The following YAF2 variants were observed in gnomAD, a reference collection of about 807,000 sequenced individuals.
YAF2 encodes YY1-associated factor 2.
In YAF2, 7 loss-of-function variants were observed where a neutral mutation model predicts 20.1. The observed-to-expected ratio is 0.35, with a 90% CI of 0.20 to 0.65. YAF2 has a LOEUF of 0.65. Ranked by LOEUF, YAF2 falls within the 30% of genes least tolerant of loss-of-function variation. YAF2 has a pLI of 0.69. For missense variants in YAF2, 151 were observed against 219.2 expected, an observed-to-expected ratio of 0.69 and a Z score of 1.96; for synonymous variants, 74 against 76.0, an observed-to-expected ratio of 0.97 and a Z score of 0.14.
At chr12:42,228,196 T>G (rs1353957625) in intron 2 of YAF2, among the ~76,000 whole-genome samples, 12 of 50,684 alleles carry the variant, frequency 2.4e-4, no homozygotes, top group Non-Finnish European at 4.1e-4. Flanking sequence ...GGGAGGGAGG[T>G]GGGGGGGTCG....
At chr12:42,177,605 G>C (rs145694091) in intron 2 of YAF2, among the ~76,000 whole-genome samples, 146 of 152,164 alleles carry the variant, frequency 9.6e-4, no homozygotes, top group African/African-American at 3.1e-3. Flanking sequence ...AGTCACATAG[G>C]GGGTGAGGGC....
chr12:42,211,346 G>A (rs1310395603), intron 2 of YAF2, among the ~76,000 whole-genome samples: 1 of 144,594 alleles, frequency 6.9e-6, no homozygotes, highest in East Asian at 2.1e-4. Context: ...AGAACTGCTT[G>A]AACCTGGGAA....
Position 42,238,024 on chromosome 12 carries a change from A to G in YAF2, c.26+131T>C, listed in dbSNP as rs1415092491. 2.6e-5 allele frequency: 17 copies of G among 663,724 alleles called. 1 individual carries two copies. Among genetic ancestry groups the G allele is most frequent in the African/African-American group, 1.8e-4 (9 of 50,490 alleles). The allele number at this position is 663,724 out of a possible 1,614,324, so 41.1% of individuals were successfully genotyped here. A position where few individuals can be genotyped will look rare whatever the true frequency, so the allele number is the denominator to read the frequency against. ...GGCGCCGGCCCCCTCAAGCGGCAGC[A>G]CTCGCACACCAGCGGCGCTGCCCCC... On this transcript the variant is annotated intron_variant, in intron 1 of 3. Transcript: ENST00000534854.
intron 2 of YAF2, among the ~76,000 whole-genome samples, chr12:42,174,345 T>C (rs1451468658): frequency 1.3e-5 from 2 of 152,172 alleles, no homozygotes; most frequent in Non-Finnish European, 2.9e-5. Flanking sequence ...CCAGCAACAC[T>C]TCACTGAGTT....
In YAF2 at chr12:42,160,480, T is replaced by G; in HGVS notation, c.*109A>C. 1 of 824,064 alleles carries G rather than the reference T, an allele frequency of 1.2e-6. No individual in the cohort carries two copies. The highest frequency in any genetic ancestry group is 1.9e-6 in the Non-Finnish European group (1 of 521,698). 51.0% of individuals were successfully genotyped at this position (824,064 alleles called of 1,614,324 possible). On this transcript the variant is annotated 3_prime_UTR_variant, in exon 4 of 4. Coordinates refer to ENST00000534854, the MANE Select transcript of YAF2 (RefSeq NM_005748.6). ...TTTCTATTTTATGTAAAACTCAAAT[T>G]ATGGATTGTGCATGAATGTATCTGT...
chr12:42,171,392 G>A (rs887193676), intron 2 of YAF2, among the ~76,000 whole-genome samples: 2 of 151,702 alleles, frequency 1.3e-5, no homozygotes, highest in Admixed American at 6.6e-5. Context: ...GGAGGCTGAG[G>A]CAGGAGGATC....
intron 2 of YAF2, among the ~76,000 whole-genome samples, chr12:42,222,893 T>G (rs376831455): frequency 6.6e-6 from 1 of 152,164 alleles, no homozygotes; most frequent in South Asian, 2.1e-4. Flanking sequence ...TGGCCATTAC[T>G]GTTAAGGAAT....
chr12:42,162,349 T>C (rs1184292443), intron 2 of YAF2, among the ~76,000 whole-genome samples: 1 of 152,236 alleles, frequency 6.6e-6, no homozygotes, highest in African/African-American at 2.4e-5. Flanking sequence ...ATCTACTTGC[T>C]AACTTACTCA....
chr12:42,208,583 A>G (rs565625887), intron 2 of YAF2, among the ~76,000 whole-genome samples: 79 of 152,332 alleles, frequency 5.2e-4, no homozygotes, highest in African/African-American at 1.9e-3. Flanking sequence ...CTAGCCAATA[A>G]GGGTATTAAC....
intron 3 of YAF2, chr12:42,161,383 C>T: frequency 2.7e-6 from 1 of 376,298 alleles, no homozygotes; most frequent in East Asian, 5.6e-5. Context: ...ACACAAATGT[C>T]TTCCAATCTC....
intron 2 of YAF2, among the ~76,000 whole-genome samples, chr12:42,221,013 G>T (rs2067495901): frequency 6.6e-6 from 1 of 152,132 alleles, no homozygotes; most frequent in Admixed American, 6.5e-5. Flanking sequence ...ACATAAAAAT[G>T]AAGTTTGTTA....
intron 2 of YAF2, among the ~76,000 whole-genome samples, chr12:42,167,286 T>C (rs1469570735): frequency 6.6e-6 from 1 of 152,062 alleles, no homozygotes; most frequent in Non-Finnish European, 1.5e-5. Flanking sequence ...TGCACATGTA[T>C]CCCAGAACTT....
chr12:42,193,081 AG>A (rs562874987), intron 2 of YAF2, among the ~76,000 whole-genome samples: 2 of 151,996 alleles, frequency 1.3e-5, no homozygotes, highest in Non-Finnish European at 2.9e-5. Context: ...TGGGTGGCCG[AG>A]GGGGGGCAGA....
At chr12:42,177,733 A>G (rs913505956) in intron 2 of YAF2, among the ~76,000 whole-genome samples, 1 of 152,078 alleles carries the variant, frequency 6.6e-6, no homozygotes, top group Non-Finnish European at 1.5e-5. Flanking sequence ...TCACTCCCTC[A>G]CTTCTTCCAG....
At chr12:42,220,282 CT>C (rs2067475878) in intron 2 of YAF2, among the ~76,000 whole-genome samples, 1 of 152,086 alleles carries the variant, frequency 6.6e-6, no homozygotes, top group African/African-American at 2.4e-5. Flanking sequence ...TTCCTTAAAT[CT>C]TTAATGTATA....
At chr12:42,208,544 A>T (rs1467659178) in intron 2 of YAF2, among the ~76,000 whole-genome samples, 2 of 152,184 alleles carry the variant, frequency 1.3e-5, no homozygotes, top group Non-Finnish European at 2.9e-5. Flanking sequence ...TAACCACAAA[A>T]ATGGTTAAGA....
At chr12:42,217,265 T>A (rs1178960883) in intron 2 of YAF2, among the ~76,000 whole-genome samples, 1 of 152,214 alleles carries the variant, frequency 6.6e-6, no homozygotes, top group Non-Finnish European at 1.5e-5. Context: ...TAATTTTTTT[T>A]ATAAGAAAAT....
intron 2 of YAF2, among the ~76,000 whole-genome samples, chr12:42,176,018 G>C (rs141209311): frequency 6.6e-6 from 1 of 151,962 alleles, no homozygotes; most frequent in Non-Finnish European, 1.5e-5. Context: ...AGGCCAAGGC[G>C]GGTGGATCAC....
At chr12:42,223,076 AAAC>A (rs1480644530) in intron 2 of YAF2, among the ~76,000 whole-genome samples, 1 of 152,106 alleles carries the variant, frequency 6.6e-6, no homozygotes, top group African/African-American at 2.4e-5. Context: ...TTTGCTCATC[AAAC>A]AACCCTATGA....
Sources: allele counts gnomAD v4.1 joint callset (sites outside exome capture counted in the v4.1 genomes callset), GRCh38; gene constraint gnomAD v4.1.1; transcripts MANE v1.5; gene names NCBI Gene and HGNC (gene_info 2026-07-23, HGNC 2026-07-21).